Variants in PCSK6 observed in about 807,000 individuals in gnomAD.
PCSK6 encodes the protein proprotein convertase subtilisin/kexin type 6.
In PCSK6, 85 loss-of-function variants were observed where a neutral mutation model predicts 123.3. That is an observed-to-expected ratio of 0.69 (90% CI 0.58 to 0.83). The LOEUF is 0.83. PCSK6 is among the 40% of genes least tolerant of loss of function. The pLI is 0.00. For synonymous variants in PCSK6, 508 were observed against 516.0 expected (o/e 0.98, Z 0.21); for missense variants, 1,191 against 1,282.3 (o/e 0.93, Z 1.09).
chr15:101,357,641 C>T (rs144801597), intron 13 of PCSK6, among the ~76,000 whole-genome samples: 163 of 152,346 alleles, frequency 1.1e-3, no homozygotes, highest in Non-Finnish European at 1.9e-3. Flanking sequence ...CCTCGGCCAG[C>T]GGCCGTCCTG....
At chr15:101,391,519 A>G (rs1431890079) in intron 8 of PCSK6, among the ~76,000 whole-genome samples, 1 of 152,180 alleles carries the variant, frequency 6.6e-6, no homozygotes, top group Admixed American at 6.5e-5. Flanking sequence ...GAACGAACAT[A>G]CCCTCTTGTT....
intron 6 of PCSK6, among the ~76,000 whole-genome samples, chr15:101,405,565 A>T (rs578081001): frequency 6.6e-6 from 1 of 152,282 alleles, no homozygotes; most frequent in East Asian, 1.9e-4. Flanking sequence ...GAATCACACC[A>T]GTTTGCCTTG....
chr15:101,347,612 T>A, intron 13 of PCSK6: 1 of 1,534,414 alleles, frequency 6.5e-7, no homozygotes, highest in Non-Finnish European at 8.8e-7. Flanking sequence ...TCCAAAGTGC[T>A]GAGCCTCTGG....
intron 1 of PCSK6, among the ~76,000 whole-genome samples, chr15:101,485,059 A>G (rs1418263734): frequency 6.6e-6 from 1 of 152,194 alleles, no homozygotes; most frequent in African/African-American, 2.4e-5. Flanking sequence ...GCAGCATCTG[A>G]AAGTTCCCAT....
At chr15:101,481,062 C>G (rs551138250) in intron 1 of PCSK6, among the ~76,000 whole-genome samples, 43 of 152,284 alleles carry the variant, frequency 2.8e-4, no homozygotes, top group African/African-American at 9.1e-4. Flanking sequence ...AATAAATGAA[C>G]GCACGTCTGC....
chr15:101,464,702 AC>A, intron 1 of PCSK6, among the ~76,000 whole-genome samples: 1 of 152,162 alleles, frequency 6.6e-6, no homozygotes, highest in Middle Eastern at 3.4e-3. Flanking sequence ...ACTGCGTGAC[AC>A]CCTGTTAAGC....
intron 4 of PCSK6, among the ~76,000 whole-genome samples, chr15:101,430,264 C>T (rs1300720378): frequency 1.4e-5 from 2 of 145,448 alleles, no homozygotes; most frequent in East Asian, 3.9e-4. Context: ...GAGTGTGCGG[C>T]TCAGTGGCAT....
At chr15:101,383,902 A>G (rs1465036587) in intron 10 of PCSK6, among the ~76,000 whole-genome samples, 4 of 152,094 alleles carry the variant, frequency 2.6e-5, no homozygotes, top group Admixed American at 1.3e-4. Context: ...TAGTGGGGGA[A>G]GTAATTTTTT....
intron 11 of PCSK6, among the ~76,000 whole-genome samples, chr15:101,380,521 T>C (rs1366648129): frequency 6.6e-6 from 1 of 152,176 alleles, no homozygotes; most frequent in South Asian, 2.1e-4. Flanking sequence ...AGTCTAAGGC[T>C]CCTCAGAGAA....
At chr15:101,306,773 T>C (rs2039732075) in intron 21 of PCSK6, among the ~76,000 whole-genome samples, 1 of 152,322 alleles carries the variant, frequency 6.6e-6, no homozygotes, top group Non-Finnish European at 1.5e-5. Context: ...AGAGCTGGGA[T>C]TGCTGCTGCT....
intron 13 of PCSK6, among the ~76,000 whole-genome samples, chr15:101,338,995 T>G (rs2040543476): frequency 6.6e-6 from 1 of 152,244 alleles, no homozygotes; most frequent in Non-Finnish European, 1.5e-5. Context: ...ACAGGATTAT[T>G]CCCATTATGC....
intron 15 of PCSK6, among the ~76,000 whole-genome samples, chr15:101,326,910 G>A (rs957362950): frequency 6.6e-6 from 1 of 152,228 alleles, no homozygotes; most frequent in Admixed American, 6.5e-5. Flanking sequence ...ACAAGAGGGG[G>A]TGCTGAGTGT....
intron 19 of PCSK6, among the ~76,000 whole-genome samples, chr15:101,317,634 T>C (rs1219732616): frequency 6.6e-6 from 1 of 152,204 alleles, no homozygotes. Flanking sequence ...TCAATGTTTA[T>C]GGTGTTGTGT....
At chr15:101,333,728 C>T (rs1264008225) in intron 13 of PCSK6, among the ~76,000 whole-genome samples, 1 of 133,738 alleles carries the variant, frequency 7.5e-6, no homozygotes, top group Non-Finnish European at 1.5e-5. Context: ...TTCTAAATTC[C>T]AGAACAGGAG....
At chr15:101,458,403 C>CA (rs2057246914) in intron 1 of PCSK6, among the ~76,000 whole-genome samples, 1 of 152,228 alleles carries the variant, frequency 6.6e-6, no homozygotes, top group African/African-American at 2.4e-5. Flanking sequence ...CCGAGCTGGG[C>CA]AATGTGGCCC....
intron 13 of PCSK6, among the ~76,000 whole-genome samples, chr15:101,341,248 G>GTTTTTTTTTTTTTT (rs149761692): frequency 7.7e-6 from 1 of 129,642 alleles, no homozygotes; most frequent in Non-Finnish European, 1.6e-5. Context: ...AAAGTGTGGG[G>GTTTTTTTTTTTTTT]TTTTTTTTTT....
chr15:101,425,882 G>A (rs933542993), intron 6 of PCSK6, among the ~76,000 whole-genome samples: 10 of 152,112 alleles, frequency 6.6e-5, no homozygotes, highest in East Asian at 5.8e-4. Context: ...ACTCCTCCCC[G>A]CAATCCATGA....
At chr15:101,346,690 G>A in intron 13 of PCSK6, 1 of 1,089,730 alleles carries the variant, frequency 9.2e-7, no homozygotes, top group South Asian at 4.8e-5. Context: ...TCTGGGAAAG[G>A]GGTTTCAAGA....
At chr15:101,393,123 A>G (rs917665913) in intron 8 of PCSK6, 89 bp downstream of exon 8, 3 of 1,084,600 alleles carry the variant, frequency 2.8e-6, no homozygotes, top group Non-Finnish European at 4.2e-6. Context: ...CCTCAATCTA[A>G]GCCATCTTTC....
Sources: allele counts gnomAD v4.1 joint callset (sites outside exome capture counted in the v4.1 genomes callset), GRCh38; gene constraint gnomAD v4.1.1; transcripts MANE v1.5; gene names NCBI Gene and HGNC (gene_info 2026-07-23, HGNC 2026-07-21).